The following KIF5C variants were observed in gnomAD, a reference collection of about 807,000 sequenced individuals.
The protein encoded by KIF5C is kinesin heavy chain isoform 5C.
Under a neutral mutation model 125.2 loss-of-function variants are expected in KIF5C, and 18 were observed. The ratio of observed to expected loss-of-function variants is 0.14; its 90% CI spans 0.10 to 0.21. The LOEUF (loss-of-function observed/expected upper bound fraction) is 0.21. KIF5C is among the 10% of genes least tolerant of loss of function. The probability of loss-of-function intolerance (pLI) is 1.00; values close to 1 mark genes in which losing one functional copy is unlikely to be tolerated. For synonymous variants in KIF5C, 405 were observed against 434.0 expected, an observed-to-expected ratio of 0.93 and a Z score of 0.83; for missense variants, 780 against 1,183.8, an observed-to-expected ratio of 0.66 and a Z score of 5.01.
intron 18 of KIF5C, chr2:148,998,183 T>C (rs1438807716): frequency 1.4e-6 from 1 of 704,578 alleles, no homozygotes; most frequent in Non-Finnish European, 2.3e-6. Context: ...GCTAATTGGC[T>C]TCTAGGGCCA....
At chr2:148,901,380 C>T (rs1404186354) in intron 1 of KIF5C, among the ~76,000 whole-genome samples, 1 of 152,120 alleles carries the variant, frequency 6.6e-6, no homozygotes, top group East Asian at 1.9e-4. Flanking sequence ...GGTGAGGCAC[C>T]AGCAGAAGTG....
At chr2:149,020,563 G>T (rs755641591) in intron 25 of KIF5C, among the ~76,000 whole-genome samples, 1 of 152,176 alleles carries the variant, frequency 6.6e-6, no homozygotes, top group African/African-American at 2.4e-5. Flanking sequence ...TTGCATTTGT[G>T]TCTAGTGCTT....
At chr2:148,963,798 T>TC (rs1558920698) in intron 11 of KIF5C, among the ~76,000 whole-genome samples, 2 of 152,230 alleles carry the variant, frequency 1.3e-5, no homozygotes, top group Non-Finnish European at 1.5e-5. Context: ...GAACCTTTTT[T>TC]CCCCCATCAT....
intron 22 of KIF5C, among the ~76,000 whole-genome samples, chr2:149,006,910 G>A (rs1483311376): frequency 1.3e-5 from 2 of 152,124 alleles, no homozygotes; most frequent in African/African-American, 4.8e-5. Flanking sequence ...ACCATACATG[G>A]GAGGCTGTGG....
chr2:148,911,216 A>G (rs547467161), intron 1 of KIF5C, among the ~76,000 whole-genome samples: 1 of 152,294 alleles, frequency 6.6e-6, no homozygotes, highest in East Asian at 1.9e-4. Context: ...AAGGTGCAAA[A>G]GAGAAGAGAA....
chr2:148,955,875 C>A (rs1248897733), intron 10 of KIF5C, among the ~76,000 whole-genome samples: 1 of 152,052 alleles, frequency 6.6e-6, no homozygotes, highest in East Asian at 1.9e-4. Flanking sequence ...TATTCAAATG[C>A]CAGCACTATC....
intron 11 of KIF5C, among the ~76,000 whole-genome samples, chr2:148,967,653 A>G (rs970937301): frequency 1.3e-5 from 2 of 152,152 alleles, no homozygotes; most frequent in African/African-American, 4.8e-5. Context: ...ACAATCTACT[A>G]GTGACATCTT....
At chr2:148,909,621 G>A (rs1681253759) in intron 1 of KIF5C, among the ~76,000 whole-genome samples, 1 of 152,210 alleles carries the variant, frequency 6.6e-6, no homozygotes, top group African/African-American at 2.4e-5. Flanking sequence ...GTTTAGTTGT[G>A]TGGGGCAGAG....
At chr2:149,019,564 C>T (rs1682470795) in intron 25 of KIF5C, among the ~76,000 whole-genome samples, 1 of 152,142 alleles carries the variant, frequency 6.6e-6, no homozygotes, top group Non-Finnish European at 1.5e-5. Context: ...TTTAATACTC[C>T]TCAGCTTCAT....
intron 11 of KIF5C, among the ~76,000 whole-genome samples, chr2:148,962,545 T>C (rs1016574041): frequency 6.6e-6 from 1 of 152,036 alleles, no homozygotes; most frequent in Non-Finnish European, 1.5e-5. Flanking sequence ...GTTGGGGCAA[T>C]GGTGCAGCTT....
At chr2:148,943,776 G>A (rs1056122381) in intron 7 of KIF5C, among the ~76,000 whole-genome samples, 1 of 152,180 alleles carries the variant, frequency 6.6e-6, no homozygotes, top group Non-Finnish European at 1.5e-5. Context: ...GGCTCTTTAA[G>A]TCTCTTCTAC....
intron 19 of KIF5C, chr2:148,998,870 A>AAAAAG: frequency 5.4e-6 from 1 of 184,096 alleles, no homozygotes; most frequent in African/African-American, 2.4e-5. Flanking sequence ...GAAAAGAAAA[A>AAAAAG]AAAAAAATTT....
chr2:148,908,450 CTT>C (rs1354650298), intron 1 of KIF5C, among the ~76,000 whole-genome samples: 1 of 152,190 alleles, frequency 6.6e-6, no homozygotes, highest in Non-Finnish European at 1.5e-5. Flanking sequence ...TTCATCCACT[CTT>C]GTTTGTTATT....
At chr2:148,953,201 G>C (rs557088097) in intron 10 of KIF5C, among the ~76,000 whole-genome samples, 2 of 152,308 alleles carry the variant, frequency 1.3e-5, no homozygotes, top group African/African-American at 4.8e-5. Flanking sequence ...TTCACAGTAG[G>C]TGGTCAATAA....
chr2:148,934,699 C>T (rs566700845), intron 3 of KIF5C, among the ~76,000 whole-genome samples: 4 of 152,028 alleles, frequency 2.6e-5, no homozygotes, highest in South Asian at 4.2e-4. Context: ...CCTACATTCA[C>T]GCTATAGCAC....
chr2:148,926,516 G>A (rs184552413), intron 2 of KIF5C, among the ~76,000 whole-genome samples: 1 of 152,330 alleles, frequency 6.6e-6, no homozygotes, highest in East Asian at 1.9e-4. Flanking sequence ...TTTTGTGGGC[G>A]CTTCTGTGGG....
chr2:148,997,451 C>T (rs1301099544), intron 18 of KIF5C, 111 bp downstream of exon 18: 1 of 1,545,724 alleles, frequency 6.5e-7, no homozygotes, highest in Non-Finnish European at 8.8e-7. Context: ...TGGCAAGGGA[C>T]AGGGGAGGGG....
chr2:148,923,412 C>G (rs191488132), intron 2 of KIF5C, among the ~76,000 whole-genome samples: 2 of 152,070 alleles, frequency 1.3e-5, no homozygotes, highest in East Asian at 3.9e-4. Context: ...TATAGAAACC[C>G]AATGAGAAAA....
At chr2:148,897,895 G>A (rs1216643263) in intron 1 of KIF5C, among the ~76,000 whole-genome samples, 1 of 113,188 alleles carries the variant, frequency 8.8e-6, no homozygotes, top group African/African-American at 3.4e-5. Flanking sequence ...CTCCAGCCTG[G>A]CTGACAGAGT....
Sources: allele counts gnomAD v4.1 joint callset (sites outside exome capture counted in the v4.1 genomes callset), GRCh38; gene constraint gnomAD v4.1.1; transcripts MANE v1.5; gene names NCBI Gene and HGNC (gene_info 2026-07-23, HGNC 2026-07-21).